PCDH9: variants seen among roughly 807,000 people sequenced by gnomAD.
The protein encoded by PCDH9 is protocadherin-9.
Under a neutral mutation model 70.6 loss-of-function variants are expected in PCDH9, and 24 were observed. The observed-to-expected ratio is 0.34, with a 90% CI of 0.25 to 0.48. The LOEUF (loss-of-function observed/expected upper bound fraction) is 0.48, where lower values mean the gene tolerates loss of function less well. PCDH9 is among the 20% of genes least tolerant of loss of function. The pLI is 0.99. For missense variants in PCDH9, 1,281 were observed against 1,503.6 expected (o/e 0.85, Z 2.45); for synonymous variants, 562 against 558.5 (o/e 1.01, Z -0.09).
In PCDH9 at chr13:66,631,337, A is replaced by G. The variant is rs1159992296; in HGVS notation, c.3213T>C (p.His1071=). The change falls in exon 4 of 5, where the codon CAT becomes CAC. Residue 1071 remains histidine, a synonymous_variant. Coordinates refer to ENST00000377865, the MANE Select transcript of PCDH9 (RefSeq NM_203487.3). Reference sequence around the variant, plus strand: ...TCAGGGTTCCACTACCCACCGGCTCATGGTCTCCTAGACCACTGTCACTGC... The same window carrying G: ...TCAGGGTTCCACTACCCACCGGCTCGTGGTCTCCTAGACCACTGTCACTGC... ...ESCSDSGLGD[H]EPVGSGTLIS... is the part of the protein sequence containing the mutation. The G allele has an allele frequency of 3.1e-6, 5 of 1,608,022 alleles. No homozygotes were observed. The highest frequency in any genetic ancestry group is 2.2e-5 in the East Asian group (1 of 44,858).
intron 3 of PCDH9, among the ~76,000 whole-genome samples, chr13:66,653,720 C>A (rs935794191): frequency 6.6e-6 from 1 of 152,024 alleles, no homozygotes; most frequent in Admixed American, 6.5e-5. Flanking sequence ...ATAATCCCAG[C>A]AGTTTGGGAG....
intron 3 of PCDH9, among the ~76,000 whole-genome samples, chr13:66,698,895 C>CTTTTTTTTTTTTT (rs67333897): frequency 3.3e-5 from 2 of 61,150 alleles, no homozygotes; most frequent in African/African-American, 5.5e-5. Context: ...CTCAATTCCT[C>CTTTTTTTTTTTTT]TTTTTTTTTT....
intron 3 of PCDH9, among the ~76,000 whole-genome samples, chr13:66,738,888 G>A (rs1223841438): frequency 5.4e-5 from 8 of 148,938 alleles, no homozygotes; most frequent in Middle Eastern, 3.5e-3. Flanking sequence ...AAGTGATGCG[G>A]AGAATGGAAC....
intron 4 of PCDH9, among the ~76,000 whole-genome samples, chr13:66,413,928 T>C (rs1957417926): frequency 6.6e-6 from 1 of 152,046 alleles, no homozygotes; most frequent in Non-Finnish European, 1.5e-5. Flanking sequence ...AGTTTCAGAT[T>C]TTAAACTGGT....
chr13:67,206,521 A>G (rs953568769), intron 2 of PCDH9: 1 of 152,164 alleles, frequency 6.6e-6, no homozygotes, highest in Admixed American at 6.5e-5. Context: ...TATTTGTAAA[A>G]CTGTAGAAAA....
chr13:67,147,421 A>C (rs958885775), intron 2 of PCDH9, among the ~76,000 whole-genome samples: 4 of 152,180 alleles, frequency 2.6e-5, no homozygotes, highest in African/African-American at 9.7e-5. Context: ...TATCTACCAG[A>C]ATAGCAACAA....
intron 2 of PCDH9, among the ~76,000 whole-genome samples, chr13:67,013,479 T>C (rs1305443544): frequency 1.3e-5 from 2 of 152,046 alleles, no homozygotes; most frequent in African/African-American, 2.4e-5. Flanking sequence ...GCTGCATGCA[T>C]AATTTTTTAT....
intron 4 of PCDH9, among the ~76,000 whole-genome samples, chr13:66,448,987 C>A (rs1457096854): frequency 6.6e-6 from 1 of 152,070 alleles, no homozygotes; most frequent in Non-Finnish European, 1.5e-5. Flanking sequence ...AACACTTCAG[C>A]CCCCAGCAGA....
At chr13:67,054,050 A>T (rs1219366704) in intron 2 of PCDH9, among the ~76,000 whole-genome samples, 1 of 152,120 alleles carries the variant, frequency 6.6e-6, no homozygotes. Context: ...CCCTCACCAC[A>T]TCCCTACGTT....
At chr13:66,639,074 T>C (rs2077676569) in intron 3 of PCDH9, among the ~76,000 whole-genome samples, 1 of 152,232 alleles carries the variant, frequency 6.6e-6, no homozygotes, top group Non-Finnish European at 1.5e-5. Context: ...ATGCATGCTA[T>C]ATAAAGTAGA....
Position 67,161,360 on chromosome 13 carries a change from G to A in PCDH9, c.3036+64045C>T, listed in dbSNP as rs531528765. 5.9e-5 allele frequency among the ~76,000 whole-genome samples: 9 copies of A among 152,298 alleles called. No individual in the cohort carries two copies. In the South Asian group the frequency reaches 1.9e-3, roughly 32 times the overall value. ...GAGTACAGCCTCAGAAGAGTGTCGG[G>A]CAGTGATGAATCATTCAGGAGGCCT... On this transcript the variant is annotated intron_variant, in intron 2 of 4. Coordinates refer to ENST00000377865, the MANE Select transcript of PCDH9 (RefSeq NM_203487.3).
chr13:66,771,250 T>C (rs1440086107), intron 3 of PCDH9, among the ~76,000 whole-genome samples: 1 of 152,162 alleles, frequency 6.6e-6, no homozygotes, highest in Non-Finnish European at 1.5e-5. Flanking sequence ...ACTTGACTCA[T>C]TTGAATCTTA....
At chr13:67,115,531 G>T (rs777149295) in intron 2 of PCDH9, among the ~76,000 whole-genome samples, 1 of 152,136 alleles carries the variant, frequency 6.6e-6, no homozygotes, top group Non-Finnish European at 1.5e-5. Context: ...GGTGTCCCAC[G>T]AGAACAAAGT....
chr13:66,956,861 C>T (rs2083272628), intron 2 of PCDH9, among the ~76,000 whole-genome samples: 1 of 152,130 alleles, frequency 6.6e-6, no homozygotes, highest in African/African-American at 2.4e-5. Context: ...TTCCCCTCTC[C>T]CCCCACCAAA....
At chr13:67,172,349 G>T (rs1269714686) in intron 2 of PCDH9, among the ~76,000 whole-genome samples, 2 of 152,142 alleles carry the variant, frequency 1.3e-5, no homozygotes, top group Admixed American at 1.3e-4. Flanking sequence ...CAGAAAACTT[G>T]TAATGTCTAT....
At chr13:66,425,441 A>G (rs935351121) in intron 4 of PCDH9, among the ~76,000 whole-genome samples, 4 of 151,746 alleles carry the variant, frequency 2.6e-5, no homozygotes, top group African/African-American at 9.7e-5. Context: ...AAATGCAGCC[A>G]ATAAACTGTA....
chr13:66,690,024 A>G (rs150101178), intron 3 of PCDH9, among the ~76,000 whole-genome samples: 2 of 152,316 alleles, frequency 1.3e-5, no homozygotes, highest in Admixed American at 1.3e-4. Flanking sequence ...TTAGTTACAG[A>G]ATTGGACCAC....
At chr13:66,535,877 G>C (rs1960679704) in intron 4 of PCDH9, among the ~76,000 whole-genome samples, 1 of 152,030 alleles carries the variant, frequency 6.6e-6, no homozygotes, top group Non-Finnish European at 1.5e-5. Flanking sequence ...TGAAATAGGA[G>C]TTTGAGGGAG....
At chr13:66,715,622 T>C (rs1057292183) in intron 3 of PCDH9, among the ~76,000 whole-genome samples, 6 of 152,186 alleles carry the variant, frequency 3.9e-5, no homozygotes, top group Non-Finnish European at 8.8e-5. Flanking sequence ...TAATTCATCA[T>C]TGTGCACATC....
Sources: allele counts gnomAD v4.1 joint callset (sites outside exome capture counted in the v4.1 genomes callset), GRCh38; gene constraint gnomAD v4.1.1; transcripts MANE v1.5; gene names NCBI Gene and HGNC (gene_info 2026-07-23, HGNC 2026-07-21).